SPIRE1: variants seen among roughly 807,000 people sequenced by gnomAD.
SPIRE1 encodes spire type actin nucleation factor 1.
A neutral mutation model predicts 94.1 loss-of-function variants in SPIRE1; 40 were observed. The observed-to-expected ratio is 0.43, with a 90% confidence interval of 0.33 to 0.55. The LOEUF (loss-of-function observed/expected upper bound fraction) is 0.55, where lower values mean the gene tolerates loss of function less well. SPIRE1 is among the 20% of genes least tolerant of loss of function. The pLI, the probability that SPIRE1 is intolerant of heterozygous loss-of-function variation, is 0.06. For synonymous variants in SPIRE1, 376 were observed against 371.7 expected, an observed-to-expected ratio of 1.01 and a Z score of -0.13; for missense variants, 838 against 975.2, an observed-to-expected ratio of 0.86 and a Z score of 1.87.
chr18:12,613,054 A>G (rs1253637416), intron 2 of SPIRE1, among the ~76,000 whole-genome samples: 1 of 152,136 alleles, frequency 6.6e-6, no homozygotes, highest in African/African-American at 2.4e-5. Flanking sequence ...TCCACCCACT[A>G]TATTACAAAC....
chr18:12,524,973 AG>A (rs1256459342), intron 4 of SPIRE1, among the ~76,000 whole-genome samples: 1 of 151,450 alleles, frequency 6.6e-6, no homozygotes, highest in African/African-American at 2.4e-5. Flanking sequence ...GTGTCTCTCT[AG>A]GAAGAAGAAA....
At chr18:12,562,914 G>A (rs1231083036) in intron 2 of SPIRE1, among the ~76,000 whole-genome samples, 1 of 152,052 alleles carries the variant, frequency 6.6e-6, no homozygotes, top group Admixed American at 6.5e-5. Flanking sequence ...TCATGTATAT[G>A]CTTCTTTATA....
chr18:12,571,492 T>C (rs916053073), intron 2 of SPIRE1, among the ~76,000 whole-genome samples: 2 of 152,208 alleles, frequency 1.3e-5, no homozygotes, highest in Non-Finnish European at 1.5e-5. Flanking sequence ...GCATTCTGCG[T>C]CTTTAGAAAA....
At chr18:12,582,375 T>A (rs2036278445) in intron 2 of SPIRE1, among the ~76,000 whole-genome samples, 1 of 152,194 alleles carries the variant, frequency 6.6e-6, no homozygotes, top group Admixed American at 6.5e-5. Context: ...TGCTCTGATG[T>A]CACCCAAATG....
intron 3 of SPIRE1, among the ~76,000 whole-genome samples, chr18:12,541,116 A>T (rs940315914): frequency 6.6e-6 from 1 of 152,242 alleles, no homozygotes; most frequent in African/African-American, 2.4e-5. Flanking sequence ...GGCATTTAAA[A>T]GTAGTTTCTT....
upstream of SPIRE1, among the ~76,000 whole-genome samples, chr18:12,660,686 A>C (rs932508100): frequency 6.6e-6 from 1 of 152,160 alleles, no homozygotes; most frequent in Non-Finnish European, 1.5e-5. Flanking sequence ...ATTTTTTTTA[A>C]CATATACACA....
At chr18:12,658,116 G>C (rs1020619984), upstream of SPIRE1, 5 of 958,270 alleles carry the variant, frequency 5.2e-6, no homozygotes, top group East Asian at 5.7e-4. Context: ...CCGGCGCCCC[G>C]CCCCGCCCCG....
At chr18:12,592,444 G>T (rs1242169325) in intron 2 of SPIRE1, among the ~76,000 whole-genome samples, 3 of 152,166 alleles carry the variant, frequency 2.0e-5, no homozygotes, top group Admixed American at 6.5e-5. Flanking sequence ...ATTTATAAAT[G>T]TGAGTTTACA....
At chr18:12,530,696 G>A (rs2034656364) in intron 4 of SPIRE1, among the ~76,000 whole-genome samples, 1 of 151,942 alleles carries the variant, frequency 6.6e-6, no homozygotes, top group African/African-American at 2.4e-5. Flanking sequence ...AATAATGAAT[G>A]GTATGATTCA....
At chr18:12,569,462 G>A (rs1234535296) in intron 2 of SPIRE1, among the ~76,000 whole-genome samples, 3 of 152,024 alleles carry the variant, frequency 2.0e-5, no homozygotes, top group African/African-American at 7.2e-5. Context: ...TGCCAGAAAA[G>A]CATATACCTA....
In SPIRE1 at chr18:12,586,748, T is replaced by A. The variant is rs561058205; in HGVS notation, c.373-39844A>T. On this transcript the variant is annotated intron_variant, in intron 2 of 16. Transcript: ENST00000409402. ...TGTTTCTCATTTATAAGACAGATAA[T>A]CATGTGTCTGGAAACTCAAGCATGG... Among the ~76,000 whole-genome samples the A allele has an allele frequency of 5.6e-4, 86 of 152,326 alleles. 1 individual carries two copies. The highest frequency in any genetic ancestry group is 2.0e-3 in the African/African-American group (84 of 41,582).
At position 12,536,878 on chromosome 18, in the gene SPIRE1, C is replaced by T. The variant is rs145377296; in HGVS notation, c.604-1277G>A. Among the ~76,000 whole-genome samples, 384 of 152,288 alleles carry T rather than the reference C, an allele frequency of 2.5e-3. 4 individuals are homozygous for T. The highest frequency in any genetic ancestry group is 0.014 in the Middle Eastern group (4 of 292). ...CATTTGCACTAACAAGCTGTAAGTTCTCTTAATTTCTTACTAGTCAGTAAA... is the reference window on the plus strand; with the variant it reads ...CATTTGCACTAACAAGCTGTAAGTTTTCTTAATTTCTTACTAGTCAGTAAA... On this transcript the variant is annotated intron_variant, in intron 3 of 16. Transcript: ENST00000409402.
intron 2 of SPIRE1, among the ~76,000 whole-genome samples, chr18:12,596,609 G>A (rs2036677738): frequency 6.6e-6 from 1 of 152,112 alleles, no homozygotes; most frequent in African/African-American, 2.4e-5. Context: ...CTCAGAAGGA[G>A]AAATCTGTGG....
intron 2 of SPIRE1, among the ~76,000 whole-genome samples, chr18:12,550,098 T>C (rs2035306494): frequency 6.6e-6 from 1 of 152,218 alleles, no homozygotes; most frequent in Admixed American, 6.5e-5. Flanking sequence ...ATTTTCCCTT[T>C]CTTCCTTTCA....
intron 2 of SPIRE1, among the ~76,000 whole-genome samples, chr18:12,557,505 C>T (rs1468853671): frequency 6.6e-6 from 1 of 152,156 alleles, no homozygotes; most frequent in African/African-American, 2.4e-5. Context: ...GGCGCAGACC[C>T]AGTTCCCGCC....
intron 4 of SPIRE1, among the ~76,000 whole-genome samples, chr18:12,520,893 C>T (rs1222638334): frequency 1.3e-4 from 20 of 152,184 alleles, no homozygotes; most frequent in South Asian, 2.1e-4. Flanking sequence ...CTTTGCAAGG[C>T]TATTCAAGCA....
intron 13 of SPIRE1, among the ~76,000 whole-genome samples, chr18:12,454,043 G>A (rs1598882945): frequency 6.6e-6 from 1 of 152,008 alleles, no homozygotes. Flanking sequence ...TCAGCTTCCC[G>A]AAGTGCTGGG....
At chr18:12,623,547 C>T (rs1410757546) in intron 2 of SPIRE1, among the ~76,000 whole-genome samples, 1 of 152,188 alleles carries the variant, frequency 6.6e-6, no homozygotes, top group Admixed American at 6.5e-5. Context: ...ATCCGCATTG[C>T]ATTATGTGTG....
chr18:12,585,595 T>C (rs79493304), intron 2 of SPIRE1, among the ~76,000 whole-genome samples: 1,683 of 152,232 alleles, frequency 0.011, 15 homozygotes, highest in Middle Eastern at 0.068. Context: ...TTAAGATATA[T>C]GGAAAGAGCT....
Sources: gnomAD v4.1 joint callset for allele counts (sites outside exome capture counted in the v4.1 genomes callset) on GRCh38, gnomAD v4.1.1 for gene constraint, MANE v1.5 for transcripts, NCBI Gene and HGNC (gene_info 2026-07-23, HGNC 2026-07-21) for gene names.